MYO18B: variants seen among roughly 807,000 people sequenced by gnomAD.
MYO18B encodes the protein myosin XVIIIB, also known as unconventional myosin-XVIIIb.
MYO18B carries 204 observed loss-of-function variants against 273.0 expected under a neutral mutation model. The observed-to-expected ratio is 0.75, with a 90% CI of 0.67 to 0.84. The LOEUF (loss-of-function observed/expected upper bound fraction) is 0.84. Ranked by LOEUF, MYO18B falls within the 40% of genes least tolerant of loss-of-function variation. MYO18B has a pLI of 0.00. For synonymous variants in MYO18B, 1,330 were observed against 1,305.7 expected, an observed-to-expected ratio of 1.02 and a Z score of -0.40; for missense variants, 3,212 against 3,287.6, an observed-to-expected ratio of 0.98 and a Z score of 0.56.
chr22:25,920,943 G>T (rs1374058174), intron 33 of MYO18B, among the ~76,000 whole-genome samples: 1 of 152,194 alleles, frequency 6.6e-6, no homozygotes, highest in Non-Finnish European at 1.5e-5. Context: ...CAAGAGATGG[G>T]ATGACAGAGT....
In MYO18B at chr22:25,823,579, C is replaced by A. The variant is rs199965997; in HGVS notation, c.2596C>A (p.Leu866Met). The A allele has an allele frequency of 9.1e-5, 147 of 1,613,884 alleles. No homozygotes were observed. Among genetic ancestry groups the A allele is most frequent in the Non-Finnish European group, 1.2e-4 (138 of 1,179,896 alleles). The stretch of plus-strand genomic sequence containing the variant: ...GGCCCTGGGCTGCGAGTATGAGGAG[C>A]TGAACACGGCCACCTTCAAGCACCA... ...AEALGCEYEE[L>M]NTATFKHHLR... is the part of the protein sequence containing the mutation. The change falls in exon 13 of 44, where the codon CTG (leucine) becomes ATG (methionine). Residue 866 changes from leucine to methionine, a missense_variant. Transcript: ENST00000335473.
Position 25,768,254 on chromosome 22 carries a change from G to C in MYO18B, c.338G>C (p.Arg113Pro). 6.2e-7 allele frequency: 1 copy of C among 1,613,974 alleles called. No homozygotes were observed. The highest frequency in any genetic ancestry group is 8.5e-7 in the Non-Finnish European group (1 of 1,179,896). The change falls in exon 4 of 44, where the codon CGC (arginine) becomes CCC (proline). Residue 113 changes from arginine (R) to proline (P), a missense_variant. Arg to Pro is a moderately radical substitution (Grantham distance 103). Coordinates refer to ENST00000335473, the MANE Select transcript of MYO18B (RefSeq NM_032608.7). ...DILGKESEGS[R>P]SPDPEQMTSI... ...CTGGGCAAGGAGAGCGAGGGGTCCCGCAGCCCCGACCCTGAGCAGATGACA... is the reference window on the plus strand; with the variant it reads ...CTGGGCAAGGAGAGCGAGGGGTCCCCCAGCCCCGACCCTGAGCAGATGACA...
intron 27 of MYO18B, 24 bp downstream of exon 27, chr22:25,891,436 G>T (rs1182649915): frequency 1.4e-6 from 2 of 1,452,082 alleles, no homozygotes; most frequent in East Asian, 2.4e-5. Context: ...GACCCTTGGG[G>T]CTGGAAGGTG....
At chr22:26,049,016 G>T in the MYO18B span, among the ~76,000 whole-genome samples, 1 of 152,048 alleles carries the variant, frequency 6.6e-6, no homozygotes, top group Non-Finnish European at 1.5e-5. Context: ...CCCATGACAT[G>T]AGTTTACCTA....
intron 21 of MYO18B, among the ~76,000 whole-genome samples, chr22:25,855,522 C>T (rs1198191333): frequency 3.3e-5 from 5 of 152,186 alleles, no homozygotes; most frequent in East Asian, 1.9e-4. Flanking sequence ...CCTCGTGATC[C>T]GCCCACCTCG....
intron 22 of MYO18B, among the ~76,000 whole-genome samples, chr22:25,868,633 G>A (rs1242186431): frequency 5.3e-5 from 8 of 152,154 alleles, no homozygotes; most frequent in African/African-American, 1.9e-4. Flanking sequence ...ACCCCAAGTG[G>A]TTTGGAGGAA....
chr22:26,000,362 T>A (rs973679340), intron 40 of MYO18B, among the ~76,000 whole-genome samples: 1 of 152,160 alleles, frequency 6.6e-6, no homozygotes, highest in Non-Finnish European at 1.5e-5. Context: ...TAAGCCTTCC[T>A]CCTAGGTCTC....
chr22:25,780,815 A>G (rs1162510908), intron 9 of MYO18B, among the ~76,000 whole-genome samples: 2 of 152,198 alleles, frequency 1.3e-5, no homozygotes, highest in African/African-American at 4.8e-5. Flanking sequence ...TCAGGCTGTC[A>G]TTAGCCGGGT....
chr22:25,763,110 A>G (rs1375561155), intron 2 of MYO18B, 121 bp from the exon 3 acceptor site: 3 of 1,169,606 alleles, frequency 2.6e-6, no homozygotes, highest in East Asian at 4.7e-5. Context: ...CTTCTCATAC[A>G]TGGGCTTGGT....
rs772840776 is a variant in MYO18B at position 25,780,123 on chromosome 22, C to T, written c.2136C>T (p.Arg712=). The change falls in exon 9 of 44, where the codon CGC becomes CGT. Residue 712 remains arginine (R), a synonymous_variant. Transcript: ENST00000335473. ...AFGSVSMAHS[R]SATRFSMVMS... is the part of the protein sequence containing the mutation. Reference sequence around the variant, plus strand: ...GCTCTGTGTCCATGGCCCACAGCCGCAGTGCCACCCGGTTCTCCATGGTGA... The same window carrying T: ...GCTCTGTGTCCATGGCCCACAGCCGTAGTGCCACCCGGTTCTCCATGGTGA... 1 of 1,604,458 alleles carries T rather than the reference C, an allele frequency of 6.2e-7. No individual in the cohort carries two copies. Among genetic ancestry groups the T allele is most frequent in the South Asian group, 1.1e-5 (1 of 88,824 alleles).
At chr22:26,063,426 G>A in the MYO18B span, among the ~76,000 whole-genome samples, 1 of 152,088 alleles carries the variant, frequency 6.6e-6, no homozygotes, top group African/African-American at 2.4e-5. Flanking sequence ...CTCTCAACAG[G>A]TGAAGGTGAT....
chr22:26,029,832 C>T (rs996574754), intron 43 of MYO18B, among the ~76,000 whole-genome samples: 2 of 152,162 alleles, frequency 1.3e-5, no homozygotes, highest in Admixed American at 6.5e-5. Context: ...ATACCAACTA[C>T]CTAAAGTAAC....
At chr22:25,925,642 C>T (rs901322199) in intron 34 of MYO18B, among the ~76,000 whole-genome samples, 2 of 152,092 alleles carry the variant, frequency 1.3e-5, no homozygotes, top group Non-Finnish European at 2.9e-5. Context: ...CAGTGGCTCA[C>T]ACCTGTAATC....
chr22:25,821,311 T>G (rs2089272000), intron 12 of MYO18B, among the ~76,000 whole-genome samples: 1 of 152,064 alleles, frequency 6.6e-6, no homozygotes, highest in Non-Finnish European at 1.5e-5. Flanking sequence ...TCCTTTTTTT[T>G]TTTTTGCATC....
In MYO18B at chr22:25,772,518, G is replaced by A; in HGVS notation, c.1869+8G>A. On this transcript the variant is annotated splice_region_variant and intron_variant, in intron 7 of 43. Transcript: ENST00000335473. ...GTGCCTTCTGCAGGGAAGGTGAGGT[G>A]GGACCATTGTGGGCAGGGCTGAGGG... 1 of 1,612,622 alleles carries A rather than the reference G, an allele frequency of 6.2e-7. No homozygotes were observed. The highest frequency in any genetic ancestry group is 8.5e-7 in the Non-Finnish European group (1 of 1,179,434).
At chr22:25,904,003 C>G (rs1374037639) in intron 31 of MYO18B, among the ~76,000 whole-genome samples, 172 bp downstream of exon 31, 1 of 152,170 alleles carries the variant, frequency 6.6e-6, no homozygotes, top group Admixed American at 6.5e-5. Flanking sequence ...CCTTCCTGAT[C>G]CAGCTCTCCC....
At chr22:25,923,247 A>G (rs1323961695) in intron 34 of MYO18B, among the ~76,000 whole-genome samples, 1 of 152,206 alleles carries the variant, frequency 6.6e-6, no homozygotes, top group Non-Finnish European at 1.5e-5. Flanking sequence ...ACTCTTAGCC[A>G]TCTCCTTTAT....
the MYO18B span, among the ~76,000 whole-genome samples, chr22:26,054,032 A>G: frequency 5.9e-5 from 9 of 152,320 alleles, no homozygotes; most frequent in East Asian, 1.5e-3. Flanking sequence ...ACTCGGGCCA[A>G]CAGGAAGGGC....
At chr22:25,852,756 T>G (rs749291011) in intron 21 of MYO18B, among the ~76,000 whole-genome samples, 1 of 152,314 alleles carries the variant, frequency 6.6e-6, no homozygotes, top group Non-Finnish European at 1.5e-5. Flanking sequence ...CAGGGGAGGA[T>G]AGTTTAAAGA....
Sources: gnomAD v4.1 joint callset for allele counts (sites outside exome capture counted in the v4.1 genomes callset) on GRCh38, gnomAD v4.1.1 for gene constraint, MANE v1.5 for transcripts, NCBI Gene and HGNC (gene_info 2026-07-23, HGNC 2026-07-21) for gene names.